NIN: variants seen among roughly 807,000 people sequenced by gnomAD.
NIN encodes glycogen synthase kinase 3 beta-interacting protein.
In NIN, 137 loss-of-function variants were observed where a neutral mutation model predicts 257.6. That is an observed-to-expected ratio of 0.53 (90% CI 0.46 to 0.61). The LOEUF (loss-of-function observed/expected upper bound fraction) is 0.61. Among genes scored for constraint, NIN ranks in the 20% least tolerant of loss-of-function variants. NIN has a pLI of 0.00. For missense variants in NIN, 2,439 were observed against 2,501.2 expected, an observed-to-expected ratio of 0.98 and a Z score of 0.53; for synonymous variants, 918 against 919.8, an observed-to-expected ratio of 1.00 and a Z score of 0.04.
chr14:50,803,397 A>C (rs1452047314), intron 4 of NIN, among the ~76,000 whole-genome samples: 1 of 152,204 alleles, frequency 6.6e-6, no homozygotes, highest in African/African-American at 2.4e-5. Context: ...TTCTGGTATA[A>C]GATGAACTAA....
intron 27 of NIN, 72 bp from the exon 28 acceptor site, chr14:50,735,689 C>G (rs2040940918): frequency 6.7e-7 from 1 of 1,489,614 alleles, no homozygotes; most frequent in East Asian, 2.4e-5. Flanking sequence ...TTTATTTTGA[C>G]AAATCTGTGC....
chr14:50,821,259 C>T (rs1161223336), intron 3 of NIN, among the ~76,000 whole-genome samples: 1 of 152,236 alleles, frequency 6.6e-6, no homozygotes, highest in Non-Finnish European at 1.5e-5. Flanking sequence ...GACCCTCTCT[C>T]ACTTCTTACT....
At chr14:50,796,786 C>T (rs2043858874) in intron 4 of NIN, among the ~76,000 whole-genome samples, 1 of 152,162 alleles carries the variant, frequency 6.6e-6, no homozygotes, top group African/African-American at 2.4e-5. Flanking sequence ...AGGGGAGAAA[C>T]ACAGCCTCCC....
At chr14:50,818,404 T>G (rs1010572045) in intron 3 of NIN, among the ~76,000 whole-genome samples, 1 of 150,550 alleles carries the variant, frequency 6.6e-6, no homozygotes, top group Non-Finnish European at 1.5e-5. Context: ...TGATTTCTAA[T>G]AAAGGAGATA....
rs117074657 is a variant in NIN at position 50,818,974 on chromosome 14, A to G, written c.183+2900T>C. On this transcript the variant is annotated intron_variant, in intron 3 of 30. Coordinates refer to ENST00000530997, the MANE Select transcript of NIN (RefSeq NM_020921.4). ...TACACAATGTTTGCATTCCTGGTTG[A>G]GCGAGACAATGCTTTCCATCTTACT... is the stretch of plus-strand genomic sequence containing the variant. 5.5e-3 allele frequency among the ~76,000 whole-genome samples: 840 copies of G among 152,200 alleles called. 3 individuals carry two copies. Among genetic ancestry groups the G allele is most frequent in the Non-Finnish European group, 9.1e-3 (620 of 68,010 alleles).
chr14:50,760,640 C>G (rs2042240821), intron 16 of NIN, among the ~76,000 whole-genome samples: 2 of 152,032 alleles, frequency 1.3e-5, no homozygotes, highest in African/African-American at 4.8e-5. Context: ...TCTGTCTTCC[C>G]ATGCATCCTT....
Position 50,754,545 on chromosome 14 carries a change from T to C in NIN, c.4734+18A>G, listed in dbSNP as rs757374988. On this transcript the variant is annotated intron_variant, in intron 20 of 30. Coordinates refer to ENST00000530997, the MANE Select transcript of NIN (RefSeq NM_020921.4). ...TTTGGAATCAAAAAACATTGAGAAA[T>C]ATTAAGTATTTCCTTACCTGTTTCT... 2 of 1,577,262 alleles carry C rather than the reference T, an allele frequency of 1.3e-6. No individual in the cohort carries two copies. Among genetic ancestry groups the C allele is most frequent in the South Asian group, 2.3e-5 (2 of 86,070 alleles).
chr14:50,814,327 C>T (rs940247007), intron 3 of NIN, among the ~76,000 whole-genome samples: 1 of 152,118 alleles, frequency 6.6e-6, no homozygotes, highest in African/African-American at 2.4e-5. Flanking sequence ...TAAATCATTA[C>T]TAGGAAGTCA....
In NIN at chr14:50,726,025, C is replaced by T; in HGVS notation, c.6120G>A (p.Met2040Ile). 1 of 1,614,048 alleles carries T rather than the reference C, an allele frequency of 6.2e-7. No homozygotes were observed. Among genetic ancestry groups the T allele is most frequent in the South Asian group, 1.1e-5 (1 of 91,074 alleles). Reference sequence around the variant, plus strand: ...GTTTCAGTTTCTGTTCAACTTCTATCATTCGTTCCTCCATGACAGTTACCA... The same window carrying T: ...GTTTCAGTTTCTGTTCAACTTCTATTATTCGTTCCTCCATGACAGTTACCA... ...EQLVTVMEER[M>I]IEVEQKLKLV... Residue 2040 changes from methionine (M) to isoleucine (I), a missense_variant, in exon 30 of 31, where the codon ATG becomes ATA. Transcript: ENST00000530997.
At chr14:50,820,536 A>G (rs998014489) in intron 3 of NIN, among the ~76,000 whole-genome samples, 4 of 152,202 alleles carry the variant, frequency 2.6e-5, no homozygotes, top group Admixed American at 2.6e-4. Context: ...ATACTGGGAG[A>G]TGCCAGTTTT....
intron 30 of NIN, 47 bp from the exon 31 acceptor site, chr14:50,723,719 C>A: frequency 6.5e-7 from 1 of 1,540,042 alleles, no homozygotes; most frequent in Non-Finnish European, 9.0e-7. Flanking sequence ...TGTAACTCTT[C>A]TTAAACCTTC....
At chr14:50,779,732 T>C (rs1184504361) in intron 5 of NIN, among the ~76,000 whole-genome samples, 1 of 145,790 alleles carries the variant, frequency 6.9e-6, no homozygotes, top group African/African-American at 2.6e-5. Flanking sequence ...CACTCCAGCC[T>C]GGGCAACAGA....
rs530784115 is a variant in NIN at position 50,720,818 on chromosome 14, T to C, written c.*2645A>G. On this transcript the variant is annotated 3_prime_UTR_variant, in exon 31 of 31. Transcript: ENST00000530997. ...TTTTCCTTTTCTTAGTGTAACGTAT[T>C]ATCTCAAAGGCAAACTTGATTCCCT... 29 of 201,494 alleles carry C rather than the reference T, an allele frequency of 1.4e-4. No homozygotes were observed. Among genetic ancestry groups the C allele is most frequent in the Middle Eastern group, 3.3e-3 (2 of 614 alleles). The allele number at this position is 201,494 out of a possible 1,614,324, so 12.5% of individuals were successfully genotyped here.
chr14:50,827,554 T>C (rs2045510520), intron 2 of NIN, among the ~76,000 whole-genome samples: 1 of 149,756 alleles, frequency 6.7e-6, no homozygotes, highest in Admixed American at 6.7e-5. Context: ...GGGGCCATCC[T>C]GGCTAACACG....
At chr14:50,761,279 C>A (rs374093111) in intron 16 of NIN, among the ~76,000 whole-genome samples, 18 of 152,222 alleles carry the variant, frequency 1.2e-4, no homozygotes, top group African/African-American at 4.1e-4. Flanking sequence ...TTTCGAGAGG[C>A]AGAAAGAAAC....
At position 50,720,006 on chromosome 14, in the gene NIN, C is replaced by CA. The variant is rs753878892; in HGVS notation, c.*3456dup. 8.3e-5 allele frequency: 18 copies of CA among 217,170 alleles called. No homozygotes were observed. The highest frequency in any genetic ancestry group is 1.3e-4 in the Non-Finnish European group (14 of 107,836). The allele number at this position is 217,170 out of a possible 1,614,324, so 13.5% of individuals were successfully genotyped here. On this transcript the variant is annotated 3_prime_UTR_variant, in exon 31 of 31. Transcript: ENST00000530997. Reference sequence around the variant, plus strand: ...AAACCAATGTTCCCTTAAGTCATGCCATGATAATGTCTCCCCATTAAGAAC... The same window carrying CA: ...AAACCAATGTTCCCTTAAGTCATGCCAATGATAATGTCTCCCCATTAAGAAC...
chr14:50,752,748 A>G lies in NIN; in HGVS notation c.4735-15T>C. 2.0e-6 allele frequency: 3 copies of G among 1,501,584 alleles called. No individual in the cohort carries two copies. The highest frequency in any genetic ancestry group is 2.7e-6 in the Non-Finnish European group (3 of 1,101,652). The allele number at this position is 1,501,584 out of a possible 1,614,324, so 93.0% of individuals were successfully genotyped here. ...AATTCTGAAATCTAATTAAAATTAA[A>G]ATAAGTTTTTCAAACTTGTTACCCT... is the stretch of plus-strand genomic sequence containing the variant. On this transcript the variant is annotated splice_polypyrimidine_tract_variant and intron_variant, in intron 20 of 30. Coordinates refer to ENST00000530997, the MANE Select transcript of NIN (RefSeq NM_020921.4).
rs1330779187 is a variant in NIN, at chr14:50,729,550, G to A, written c.6051C>T (p.Asn2017=). The change falls in exon 29 of 31, where the codon AAC becomes AAT. Residue 2017 remains asparagine, a synonymous_variant. Coordinates refer to ENST00000530997, the MANE Select transcript of NIN (RefSeq NM_020921.4). ...INQHLQEELE[N]RTSETNTPQG... ...GTGGTGTGTTGGTTTCGGAGGTCCT[G>A]TTTTCAAGTTCCTCCTGCAGGTGCT... The A allele has an allele frequency of 3.7e-6, 6 of 1,613,824 alleles. No individual in the cohort carries two copies. The highest frequency in any genetic ancestry group is 5.1e-6 in the Non-Finnish European group (6 of 1,179,958).
chr14:50,760,078 C>G lies in NIN; in HGVS notation c.2178G>C (p.Glu726Asp), dbSNP rs1257255249. 6.2e-7 allele frequency: 1 copy of G among 1,614,176 alleles called. No individual in the cohort carries two copies. The highest frequency in any genetic ancestry group is 1.1e-5 in the South Asian group (1 of 91,082). ...GAGCCTGTGTCAGTCTAGCCTTGAG[C>G]TCCATCTCATGTTGCAGCCTCAGCT... ...QEKLRLQHEM[E>D]LKARLTQAQA... The change falls in exon 17 of 31, where the codon GAG becomes GAC. Residue 726 changes from glutamate (E) to aspartate (D), a missense_variant. Around this residue, in one of 3 missense-constraint regions of NIN, gnomAD observed 2,043 missense variants for 2,050.2 expected, o/e 1.00. Coordinates refer to ENST00000530997, the MANE Select transcript of NIN (RefSeq NM_020921.4).
Sources: allele counts gnomAD v4.1 joint callset (sites outside exome capture counted in the v4.1 genomes callset), GRCh38; gene constraint gnomAD v4.1.1; regional missense constraint gnomAD v4.1.1; transcripts MANE v1.5; gene names NCBI Gene and HGNC (gene_info 2026-07-23, HGNC 2026-07-21).